TSPAN5: variants seen among roughly 807,000 people sequenced by gnomAD.
TSPAN5 encodes the protein tetraspanin 5.
Under a neutral mutation model 37.1 loss-of-function variants are expected in TSPAN5, and 10 were observed. The observed-to-expected ratio is 0.27, with a 90% confidence interval of 0.17 to 0.46. The LOEUF (loss-of-function observed/expected upper bound fraction) is 0.46. TSPAN5 is among the 20% of genes least tolerant of loss of function. The probability of loss-of-function intolerance (pLI) is 1.00; values close to 1 mark genes in which losing one functional copy is unlikely to be tolerated. For synonymous variants in TSPAN5, 110 were observed against 118.9 expected, an observed-to-expected ratio of 0.93 and a Z score of 0.48; for missense variants, 195 against 326.6, an observed-to-expected ratio of 0.60 and a Z score of 3.11.
intron 1 of TSPAN5, among the ~76,000 whole-genome samples, chr4:98,536,613 C>A (rs374244622): frequency 6.6e-6 from 1 of 152,196 alleles, no homozygotes; most frequent in Non-Finnish European, 1.5e-5. Flanking sequence ...CCCCTTTCCC[C>A]GGGTGCTCTG....
chr4:98,587,694 C>T (rs1380328686), intron 1 of TSPAN5, among the ~76,000 whole-genome samples: 2 of 152,138 alleles, frequency 1.3e-5, no homozygotes, highest in East Asian at 1.9e-4. Flanking sequence ...TTGAGACCAT[C>T]CTGACCAATA....
intron 1 of TSPAN5, among the ~76,000 whole-genome samples, chr4:98,643,182 G>A (rs1756994151): frequency 6.6e-6 from 1 of 152,076 alleles, no homozygotes; most frequent in Admixed American, 6.6e-5. Context: ...CCTTGTGTAT[G>A]TTTAGATACA....
At chr4:98,612,790 T>C (rs967397323) in intron 1 of TSPAN5, among the ~76,000 whole-genome samples, 3 of 152,146 alleles carry the variant, frequency 2.0e-5, no homozygotes, top group African/African-American at 7.2e-5. Flanking sequence ...CCTCCCTTAC[T>C]CTGTCCCCTC....
At chr4:98,621,758 T>C (rs1301912877) in intron 1 of TSPAN5, among the ~76,000 whole-genome samples, 2 of 152,092 alleles carry the variant, frequency 1.3e-5, no homozygotes, top group South Asian at 4.1e-4. Context: ...TGTAGAACAT[T>C]TTCATATCCC....
intron 1 of TSPAN5, among the ~76,000 whole-genome samples, chr4:98,539,508 G>A (rs374482252): frequency 6.6e-6 from 1 of 151,990 alleles, no homozygotes; most frequent in Non-Finnish European, 1.5e-5. Context: ...AGCTCCTCTA[G>A]AATGAGAAAG....
At chr4:98,504,786 T>A (rs1313607869) in intron 2 of TSPAN5, among the ~76,000 whole-genome samples, 1 of 152,168 alleles carries the variant, frequency 6.6e-6, no homozygotes, top group African/African-American at 2.4e-5. Flanking sequence ...ATTCCACACA[T>A]GTCAAATACT....
chr4:98,658,326 A>G lies in TSPAN5; in HGVS notation c.-100T>C. The G allele has an allele frequency of 3.0e-6, 3 of 992,770 alleles. No homozygotes were observed. Among genetic ancestry groups the G allele is most frequent in the Non-Finnish European group, 3.2e-6 (2 of 625,194 alleles). The allele number at this position is 992,770 out of a possible 1,614,324, so 61.5% of individuals were successfully genotyped here. A position where few individuals can be genotyped will look rare whatever the true frequency, so the allele number is the denominator to read the frequency against. On this transcript the variant is annotated 5_prime_UTR_variant, in exon 1 of 8. Coordinates refer to ENST00000305798, the MANE Select transcript of TSPAN5 (RefSeq NM_005723.4). ...CGGCGGGGAGCAGGAGCTCAGGGACACCGCACGGGGCCGCGGCGCTGGCGG... is the reference window on the plus strand; with the variant it reads ...CGGCGGGGAGCAGGAGCTCAGGGACGCCGCACGGGGCCGCGGCGCTGGCGG...
At chr4:98,524,253 T>C (rs1419045770) in intron 1 of TSPAN5, among the ~76,000 whole-genome samples, 1 of 152,230 alleles carries the variant, frequency 6.6e-6, no homozygotes, top group Non-Finnish European at 1.5e-5. Context: ...TCATTTTTGA[T>C]ACAAGATTTC....
intron 7 of TSPAN5, among the ~76,000 whole-genome samples, chr4:98,473,310 C>G (rs1026380693): frequency 6.6e-6 from 1 of 152,176 alleles, no homozygotes; most frequent in African/African-American, 2.4e-5. Context: ...ATGAGGGTTT[C>G]GTTTTCTCCA....
At chr4:98,632,808 A>T (rs905672577) in intron 1 of TSPAN5, among the ~76,000 whole-genome samples, 4 of 152,168 alleles carry the variant, frequency 2.6e-5, no homozygotes, top group African/African-American at 9.7e-5. Context: ...GGAGTGGAAG[A>T]GAAGGAAGAG....
At chr4:98,633,330 C>T (rs12498284) in intron 1 of TSPAN5, among the ~76,000 whole-genome samples, 31,731 of 152,054 alleles carry the variant, frequency 0.21, 3,719 homozygotes, top group South Asian at 0.42. Flanking sequence ...AATCAATGAA[C>T]CTTTCAACAG....
chr4:98,555,280 G>A (rs1170585672), intron 1 of TSPAN5, among the ~76,000 whole-genome samples: 1 of 152,108 alleles, frequency 6.6e-6, no homozygotes, highest in Admixed American at 6.5e-5. Context: ...ACTCTCTCCA[G>A]TCACACAGGC....
At chr4:98,586,140 T>C (rs1323771594) in intron 1 of TSPAN5, among the ~76,000 whole-genome samples, 3 of 152,240 alleles carry the variant, frequency 2.0e-5, no homozygotes, top group Non-Finnish European at 4.4e-5. Context: ...ATGCCAGTGC[T>C]GCCAAATGTA....
At chr4:98,622,751 C>T (rs192691327) in intron 1 of TSPAN5, among the ~76,000 whole-genome samples, 4 of 152,226 alleles carry the variant, frequency 2.6e-5, no homozygotes, top group African/African-American at 9.6e-5. Flanking sequence ...AACTTTGAGA[C>T]TCAGCAGGTC....
intron 1 of TSPAN5, among the ~76,000 whole-genome samples, chr4:98,606,410 C>T (rs559400064): frequency 6.6e-6 from 1 of 152,288 alleles, no homozygotes; most frequent in Non-Finnish European, 1.5e-5. Flanking sequence ...TGAGCTACTC[C>T]AGGAAGGTTA....
At chr4:98,504,182 C>T (rs1373152976) in intron 2 of TSPAN5, among the ~76,000 whole-genome samples, 5 of 152,182 alleles carry the variant, frequency 3.3e-5, no homozygotes, top group Non-Finnish European at 5.9e-5. Context: ...GTGGAAATCT[C>T]ATCCTTCCAG....
intron 2 of TSPAN5, among the ~76,000 whole-genome samples, chr4:98,488,305 T>A (rs138291824): frequency 5.9e-5 from 9 of 152,330 alleles, no homozygotes; most frequent in Admixed American, 2.0e-4. Context: ...ATTTAAAGGT[T>A]GTAGGTAGGA....
chr4:98,590,707 CAAA>C (rs201373765), intron 1 of TSPAN5, among the ~76,000 whole-genome samples: 5 of 91,484 alleles, frequency 5.5e-5, no homozygotes, highest in Admixed American at 2.5e-4. Flanking sequence ...GAGACTGTCT[CAAA>C]AAAAAAAAAA....
intron 1 of TSPAN5, among the ~76,000 whole-genome samples, chr4:98,509,590 C>G (rs1161224767): frequency 6.6e-6 from 1 of 152,112 alleles, no homozygotes; most frequent in Non-Finnish European, 1.5e-5. Flanking sequence ...TTCTTCCTAC[C>G]CCTTGCTCTT....
Sources: allele counts gnomAD v4.1 joint callset (sites outside exome capture counted in the v4.1 genomes callset), GRCh38; gene constraint gnomAD v4.1.1; transcripts MANE v1.5; gene names NCBI Gene and HGNC (gene_info 2026-07-23, HGNC 2026-07-21).